The following PDE4D variants were observed in gnomAD, a reference collection of about 807,000 sequenced individuals.
The protein encoded by PDE4D is phosphodiesterase 4D.
In PDE4D, 24 loss-of-function variants were observed where a neutral mutation model predicts 87.4. The observed-to-expected ratio is 0.27, with a 90% confidence interval of 0.20 to 0.39. The LOEUF (loss-of-function observed/expected upper bound fraction) is 0.39. Among genes scored for constraint, PDE4D ranks in the 10% least tolerant of loss-of-function variants. The pLI is 1.00. For synonymous variants in PDE4D, 384 were observed against 383.2 expected (o/e 1.00, Z -0.02); for missense variants, 714 against 1,041.0 (o/e 0.69, Z 4.32).
intron 1 of PDE4D, among the ~76,000 whole-genome samples, chr5:59,370,167 C>T (rs1582202357): frequency 6.6e-6 from 1 of 152,184 alleles, no homozygotes; most frequent in African/African-American, 2.4e-5. Context: ...TAACCATTTT[C>T]CCTGCTTCTA....
intron 2 of PDE4D, among the ~76,000 whole-genome samples, chr5:60,078,633 T>C (rs1969156): frequency 0.51 from 76,713 of 151,884 alleles, 19,880 homozygotes; most frequent in East Asian, 0.83. Context: ...TGAGAATAAG[T>C]GGTGTTCAGT....
intron 2 of PDE4D, among the ~76,000 whole-genome samples, chr5:60,178,371 C>T (rs1784108419): frequency 6.6e-6 from 1 of 152,112 alleles, no homozygotes; most frequent in Non-Finnish European, 1.5e-5. Flanking sequence ...TGACTACTTG[C>T]CAATTATTTC....
At chr5:59,113,355 A>T (rs2153440473) in intron 5 of PDE4D, among the ~76,000 whole-genome samples, 1 of 152,352 alleles carries the variant, frequency 6.6e-6, no homozygotes, top group African/African-American at 2.4e-5. Flanking sequence ...AAATACATCA[A>T]CATTTGCACA....
intron 5 of PDE4D, among the ~76,000 whole-genome samples, chr5:59,060,291 G>A (rs1206713876): frequency 2.0e-5 from 3 of 151,934 alleles, no homozygotes; most frequent in Non-Finnish European, 4.4e-5. Context: ...TATTAACCTC[G>A]GACTGCCAAC....
In PDE4D at chr5:59,753,135, C is replaced by A. The variant is rs574405194; in HGVS notation, c.455+140033G>T. On this transcript the variant is annotated intron_variant, in intron 1 of 14. Coordinates refer to ENST00000340635, the MANE Select transcript of PDE4D (RefSeq NM_001104631.2). ...GTTCACCTCTGCTATAGATAGTGGA[C>A]AATCAAAGCAGAACTGTAGGGTAAT... 2.9e-3 allele frequency among the ~76,000 whole-genome samples: 448 copies of A among 152,184 alleles called. 1 individual carries two copies. Among genetic ancestry groups the A allele is most frequent in the Non-Finnish European group, 4.6e-3 (312 of 68,018 alleles).
intron 1 of PDE4D, among the ~76,000 whole-genome samples, chr5:59,253,161 G>T (rs1760311516): frequency 6.6e-6 from 1 of 151,974 alleles, no homozygotes; most frequent in Non-Finnish European, 1.5e-5. Context: ...GTTGACATTT[G>T]GAAAAATGGC....
chr5:59,045,950 C>T lies in PDE4D; in HGVS notation c.809-6979G>A, dbSNP rs74886230. ...AGACAATCTCTGTATTAAAATCCTA[C>T]GCAGACATATGTTCCCACAATATGT... On this transcript the variant is annotated intron_variant, in intron 5 of 14. Coordinates refer to ENST00000340635, the MANE Select transcript of PDE4D (RefSeq NM_001104631.2). Among the ~76,000 whole-genome samples, 349 of 152,294 alleles carry T rather than the reference C, an allele frequency of 2.3e-3. 4 individuals are homozygous for T. The highest frequency in any genetic ancestry group is 0.017 in the East Asian group (90 of 5,188).
At chr5:59,532,129 T>C (rs531972011) in intron 1 of PDE4D, among the ~76,000 whole-genome samples, 118 of 152,198 alleles carry the variant, frequency 7.8e-4, no homozygotes, top group Non-Finnish European at 4.0e-4. Context: ...CATAGACCCT[T>C]ACTAGATTTT....
intron 1 of PDE4D, among the ~76,000 whole-genome samples, chr5:59,539,311 G>A (rs1815856226): frequency 6.6e-6 from 1 of 152,054 alleles, no homozygotes; most frequent in South Asian, 2.1e-4. Context: ...TCAAAGAACT[G>A]GAGGGTAGTG....
At chr5:59,161,165 C>G (rs747579801) in intron 5 of PDE4D, among the ~76,000 whole-genome samples, 7 of 149,776 alleles carry the variant, frequency 4.7e-5, no homozygotes, top group Non-Finnish European at 8.9e-5. Flanking sequence ...TGAGACAGGT[C>G]TCAATCAGTT....
chr5:59,049,659 C>T (rs1299909370), intron 5 of PDE4D, among the ~76,000 whole-genome samples: 2 of 152,080 alleles, frequency 1.3e-5, no homozygotes, highest in Non-Finnish European at 2.9e-5. Flanking sequence ...GATGCAAACA[C>T]CCCCAGAAAA....
intron 1 of PDE4D, among the ~76,000 whole-genome samples, chr5:59,667,401 T>A (rs993492288): frequency 1.3e-5 from 2 of 152,118 alleles, no homozygotes; most frequent in African/African-American, 4.8e-5. Flanking sequence ...AGCCTTGACC[T>A]CCTGGGCTCA....
chr5:59,789,380 GT>G (rs1392892658), intron 1 of PDE4D, among the ~76,000 whole-genome samples: 1 of 152,218 alleles, frequency 6.6e-6, no homozygotes, highest in Non-Finnish European at 1.5e-5. Context: ...TGTCATCTAT[GT>G]TCCCAGGAAG....
chr5:60,176,633 AGTATTTTC>A (rs1381273207), intron 2 of PDE4D, among the ~76,000 whole-genome samples: 1 of 152,186 alleles, frequency 6.6e-6, no homozygotes, highest in Non-Finnish European at 1.5e-5. Flanking sequence ...AACTGATCCC[AGTATTTTC>A]TAAAGTCTTA....
intron 1 of PDE4D, among the ~76,000 whole-genome samples, chr5:59,878,090 A>G (rs1185313615): frequency 6.6e-6 from 1 of 152,192 alleles, no homozygotes; most frequent in Non-Finnish European, 1.5e-5. Context: ...GAAATGACTG[A>G]AAAAGAAAGT....
At chr5:60,035,255 C>CAA (rs55913764) in intron 2 of PDE4D, among the ~76,000 whole-genome samples, 3 of 126,454 alleles carry the variant, frequency 2.4e-5, no homozygotes, top group African/African-American at 8.5e-5. Flanking sequence ...GACTCCGTCT[C>CAA]AAAAAAAAAA....
chr5:59,279,521 G>A (rs1052865604), intron 1 of PDE4D, among the ~76,000 whole-genome samples: 3 of 151,930 alleles, frequency 2.0e-5, no homozygotes, highest in African/African-American at 4.8e-5. Context: ...GGAGAAGTCC[G>A]GAGTATTATA....
At chr5:59,660,146 A>T (rs1394689192) in intron 1 of PDE4D, among the ~76,000 whole-genome samples, 2 of 152,122 alleles carry the variant, frequency 1.3e-5, no homozygotes, top group East Asian at 3.9e-4. Flanking sequence ...TCAAGATAAT[A>T]GCACTGCACT....
chr5:59,336,081 A>C (rs1252037736), intron 1 of PDE4D, among the ~76,000 whole-genome samples: 1 of 152,210 alleles, frequency 6.6e-6, no homozygotes, highest in African/African-American at 2.4e-5. Flanking sequence ...CTTCAAGGTA[A>C]TCAATTTAGC....
Sources: gnomAD v4.1 joint callset for allele counts (sites outside exome capture counted in the v4.1 genomes callset) on GRCh38, gnomAD v4.1.1 for gene constraint, MANE v1.5 for transcripts, NCBI Gene and HGNC (gene_info 2026-07-23, HGNC 2026-07-21) for gene names.